CACNB2: variants seen among roughly 807,000 people sequenced by gnomAD.
CACNB2 encodes the protein voltage-dependent L-type calcium channel subunit beta-2.
Under a neutral mutation model 73.3 loss-of-function variants are expected in CACNB2, and 42 were observed. The ratio of observed to expected loss-of-function variants is 0.57; its 90% CI spans 0.45 to 0.74. CACNB2 has a LOEUF of 0.74. CACNB2 is among the 30% of genes least tolerant of loss of function. The pLI, the probability that CACNB2 is intolerant of heterozygous loss-of-function variation, is 0.00. For missense variants in CACNB2, 940 were observed against 853.0 expected, an observed-to-expected ratio of 1.10 and a Z score of -1.27; for synonymous variants, 348 against 310.3, an observed-to-expected ratio of 1.12 and a Z score of -1.28.
chr10:18,231,761 C>T (rs900629427), intron 2 of CACNB2, among the ~76,000 whole-genome samples: 4 of 152,170 alleles, frequency 2.6e-5, no homozygotes, highest in African/African-American at 9.7e-5. Context: ...CTTGTTTGCT[C>T]CCTGAGTCTC....
chr10:18,324,791 G>T (rs2040520607), intron 2 of CACNB2, among the ~76,000 whole-genome samples: 1 of 152,224 alleles, frequency 6.6e-6, no homozygotes, highest in Non-Finnish European at 1.5e-5. Context: ...AGGAGGCAGA[G>T]GTTGCAGTGA....
At chr10:18,476,494 GTA>G (rs2048448003) in intron 3 of CACNB2, among the ~76,000 whole-genome samples, 1 of 152,182 alleles carries the variant, frequency 6.6e-6, no homozygotes, top group African/African-American at 2.4e-5. Context: ...TACACGCTAT[GTA>G]AATGAAGTAG....
At chr10:18,204,687 T>A (rs1170222571) in intron 2 of CACNB2, among the ~76,000 whole-genome samples, 1 of 152,212 alleles carries the variant, frequency 6.6e-6, no homozygotes, top group Non-Finnish European at 1.5e-5. Context: ...TTGGATGTGT[T>A]AAGCTCTGCG....
At chr10:18,250,237 A>G (rs1029185482) in intron 2 of CACNB2, among the ~76,000 whole-genome samples, 2 of 152,230 alleles carry the variant, frequency 1.3e-5, no homozygotes, top group African/African-American at 4.8e-5. Flanking sequence ...TGAGATATAA[A>G]TCAAGCTAGG....
chr10:18,332,291 G>A (rs150666241), intron 2 of CACNB2, among the ~76,000 whole-genome samples: 1 of 152,254 alleles, frequency 6.6e-6, no homozygotes, highest in African/African-American at 2.4e-5. Flanking sequence ...GGCAAGGGTT[G>A]GATTTGCGAA....
chr10:18,474,679 C>T (rs370069294), intron 3 of CACNB2, among the ~76,000 whole-genome samples: 6 of 152,076 alleles, frequency 3.9e-5, no homozygotes, highest in South Asian at 2.1e-4. Flanking sequence ...TCCTTAGCTC[C>T]GTGCCACTCA....
intron 3 of CACNB2, among the ~76,000 whole-genome samples, chr10:18,475,085 G>A (rs914764276): frequency 2.0e-5 from 3 of 150,426 alleles, no homozygotes; most frequent in Non-Finnish European, 4.4e-5. Flanking sequence ...ATTATAAGAG[G>A]ATACAACTCA....
chr10:18,391,225 C>T (rs772973339), intron 2 of CACNB2, among the ~76,000 whole-genome samples: 2 of 152,140 alleles, frequency 1.3e-5, no homozygotes, highest in Non-Finnish European at 2.9e-5. Flanking sequence ...TAGCTTCAAG[C>T]TGAAGCCTTT....
chr10:18,141,971 G>C (rs1003406683), intron 1 of CACNB2, among the ~76,000 whole-genome samples: 1 of 152,072 alleles, frequency 6.6e-6, no homozygotes, highest in Non-Finnish European at 1.5e-5. Flanking sequence ...ATATTAATAC[G>C]TAGACACACA....
intron 2 of CACNB2, among the ~76,000 whole-genome samples, chr10:18,336,550 C>T (rs567794533): frequency 2.2e-4 from 34 of 151,826 alleles, no homozygotes; most frequent in African/African-American, 8.0e-4. Flanking sequence ...ACCTGGGAGG[C>T]GGAGGCTGCA....
At chr10:18,179,242 A>C (rs2033756943) in intron 2 of CACNB2, among the ~76,000 whole-genome samples, 1 of 152,188 alleles carries the variant, frequency 6.6e-6, no homozygotes, top group Non-Finnish European at 1.5e-5. Flanking sequence ...TGGACAGAAA[A>C]AGAAAGGGTT....
intron 2 of CACNB2, among the ~76,000 whole-genome samples, chr10:18,365,273 A>C (rs2042301909): frequency 6.6e-6 from 1 of 152,204 alleles, no homozygotes; most frequent in Admixed American, 6.5e-5. Flanking sequence ...TTGGCTTTGA[A>C]CGAGTTATTT....
At chr10:18,471,519 C>T (rs2048187081) in intron 3 of CACNB2, among the ~76,000 whole-genome samples, 1 of 152,206 alleles carries the variant, frequency 6.6e-6, no homozygotes, top group Admixed American at 6.6e-5. Flanking sequence ...TATCCTGCAG[C>T]CACTGGTTTT....
At chr10:18,493,157 G>A (rs949622252) in intron 3 of CACNB2, among the ~76,000 whole-genome samples, 2 of 152,074 alleles carry the variant, frequency 1.3e-5, no homozygotes, top group East Asian at 1.9e-4. Flanking sequence ...GCAGTTATGC[G>A]CAAATAGTAC....
intron 2 of CACNB2, among the ~76,000 whole-genome samples, chr10:18,299,286 C>A (rs777015940): frequency 2.0e-5 from 3 of 152,072 alleles, no homozygotes; most frequent in Non-Finnish European, 2.9e-5. Flanking sequence ...CATGCTCACT[C>A]TAATTGTCAT....
At chr10:18,292,960 A>G (rs1050777967) in intron 2 of CACNB2, among the ~76,000 whole-genome samples, 2 of 152,172 alleles carry the variant, frequency 1.3e-5, no homozygotes, top group African/African-American at 4.8e-5. Flanking sequence ...TTTGGCAATA[A>G]TGTAGGAAAA....
chr10:18,469,024 G>T (rs1321342541), intron 3 of CACNB2, among the ~76,000 whole-genome samples: 1 of 152,184 alleles, frequency 6.6e-6, no homozygotes, highest in Non-Finnish European at 1.5e-5. Context: ...ATAATATTAA[G>T]AATTGTTTGA....
chr10:18,177,479 A>AAG, intron 2 of CACNB2, among the ~76,000 whole-genome samples: 1 of 151,618 alleles, frequency 6.6e-6, no homozygotes, highest in Non-Finnish European at 1.5e-5. Flanking sequence ...AAAAAAAAAA[A>AAG]AAATAGCTGG....
intron 3 of CACNB2, among the ~76,000 whole-genome samples, chr10:18,457,680 C>A (rs1414821675): frequency 6.6e-6 from 1 of 152,038 alleles, no homozygotes; most frequent in African/African-American, 2.4e-5. Context: ...CACCTGAGGT[C>A]AGGAGTTCAA....
Sources: gnomAD v4.1 joint callset for allele counts (sites outside exome capture counted in the v4.1 genomes callset) on GRCh38, gnomAD v4.1.1 for gene constraint, MANE v1.5 for transcripts, NCBI Gene and HGNC (gene_info 2026-07-23, HGNC 2026-07-21) for gene names.